The following ITGAM variants were observed in gnomAD, a reference collection of about 807,000 sequenced individuals.
ITGAM encodes the protein integrin alpha-M.
In ITGAM, 79 loss-of-function variants were observed where a neutral mutation model predicts 137.5. That is an observed-to-expected ratio of 0.57 (90% CI 0.48 to 0.69). ITGAM has a LOEUF of 0.69. ITGAM is among the 30% of genes least tolerant of loss of function. The pLI, the probability that ITGAM is intolerant of heterozygous loss-of-function variation, is 0.00. For missense variants in ITGAM, 1,343 were observed against 1,483.5 expected (o/e 0.91, Z 1.56); for synonymous variants, 583 against 592.3 (o/e 0.98, Z 0.23).
chr16:31,325,070 C>T (rs1426629065), intron 19 of ITGAM, 39 bp downstream of exon 19: 1 of 1,537,850 alleles, frequency 6.5e-7, no homozygotes, highest in Non-Finnish European at 8.7e-7. Context: ...CAGAGAAGGA[C>T]CCGTACCATG....
chr16:31,324,875 T>C lies in ITGAM; in HGVS notation c.2290-83T>C. 6.4e-7 allele frequency: 1 copy of C among 1,553,666 alleles called. No individual in the cohort carries two copies. Among genetic ancestry groups the C allele is most frequent in the Non-Finnish European group, 8.7e-7 (1 of 1,144,160 alleles). Reference sequence around the variant, plus strand: ...TTTATTTGATTGCATCTAATTTTACTTCAACATTTGATTTTATTGTTTAAT... The same window carrying C: ...TTTATTTGATTGCATCTAATTTTACCTCAACATTTGATTTTATTGTTTAAT... On this transcript the variant is annotated intron_variant, in intron 18 of 29. Transcript: ENST00000544665. The surrounding 1 kb of genome is among the most constrained non-coding windows in gnomAD (Gnocchi z 4.5).
chr16:31,261,674 C>T lies in ITGAM; in HGVS notation c.29-18C>T. ...TGCTACTTTCCTCTGCTTGATCCTT[C>T]CCCCATTCTCCCTTTAGCCTTGACC... On this transcript the variant is annotated intron_variant, in intron 1 of 29. Transcript: ENST00000544665. 6.5e-7 allele frequency: 1 copy of T among 1,542,726 alleles called. No individual in the cohort carries two copies. Among genetic ancestry groups the T allele is most frequent in the Non-Finnish European group, 8.9e-7 (1 of 1,122,116 alleles).
Position 31,324,766 on chromosome 16 carries a change from G to T in ITGAM, c.2273G>T (p.Arg758Ile). 1 of 1,570,342 alleles carries T rather than the reference G, an allele frequency of 6.4e-7. No homozygotes were observed. The highest frequency in any genetic ancestry group is 1.2e-5 in the South Asian group (1 of 82,490). ...CCAGTGCTGGCGGAGGATGCTCAGA[G>T]ACTCTTCACAGCCTTGGTGAGTCCA... is the stretch of plus-strand genomic sequence containing the variant. ...LRPVLAEDAQRLFTALFPFEK... is the reference protein window; with the variant it reads ...LRPVLAEDAQILFTALFPFEK... Residue 758 changes from arginine to isoleucine, a missense_variant, in exon 18 of 30, where the codon AGA (arginine) becomes ATA (isoleucine). Arg to Ile is a moderately conservative substitution (Grantham distance 97). Transcript: ENST00000544665. This position sits in a 1 kb window ranked among gnomAD's most constrained non-coding sequence, Gnocchi z 4.5.
chr16:31,262,553 C>T (rs2144246745), intron 2 of ITGAM, among the ~76,000 whole-genome samples: 2 of 152,192 alleles, frequency 1.3e-5, no homozygotes, highest in African/African-American at 4.8e-5. Context: ...CAGGCATGTG[C>T]CACCACACCT....
chr16:31,262,919 A>G (rs1055223730), intron 2 of ITGAM, among the ~76,000 whole-genome samples: 3 of 152,154 alleles, frequency 2.0e-5, no homozygotes, highest in African/African-American at 7.2e-5. Context: ...CTTGCATTGC[A>G]TGCCATAATT....
At chr16:31,260,583 G>A (rs1429833790) in intron 1 of ITGAM, among the ~76,000 whole-genome samples, 3 of 152,204 alleles carry the variant, frequency 2.0e-5, no homozygotes, top group Non-Finnish European at 2.9e-5. Context: ...AAAAGGGAAG[G>A]AAATACTTGA....
intron 14 of ITGAM, among the ~76,000 whole-genome samples, chr16:31,306,224 T>G (rs954460347): frequency 3.3e-5 from 5 of 152,184 alleles, no homozygotes; most frequent in Non-Finnish European, 7.3e-5. Context: ...TCCTTTTTCC[T>G]TGTGTCCTAA....
At position 31,330,517 on chromosome 16, in the gene ITGAM, A is replaced by G. The variant is rs1449298928; in HGVS notation, c.3188A>G (p.His1063Arg). The change falls in exon 28 of 30, where the codon CAC (histidine) becomes CGC (arginine). Residue 1063 changes from histidine (H) to arginine (R), a missense_variant. His to Arg is a conservative substitution (Grantham distance 29, BLOSUM62 0). Transcript: ENST00000544665. ...TCTCTTCCACAGACCTCGCATAACC[A>G]CCTCCTGATCGTGAGCACAGCTGAG... ...FDWYIKTSHNHLLIVSTAEIL... is the reference protein window; with the variant it reads ...FDWYIKTSHNRLLIVSTAEIL... 3 of 1,613,266 alleles carry G rather than the reference A, an allele frequency of 1.9e-6. No homozygotes were observed. The highest frequency in any genetic ancestry group is 2.2e-5 in the East Asian group (1 of 44,832).
At chr16:31,267,563 A>C (rs1164307461) in intron 5 of ITGAM, among the ~76,000 whole-genome samples, 2 of 152,160 alleles carry the variant, frequency 1.3e-5, no homozygotes, top group African/African-American at 4.8e-5. Flanking sequence ...TTAGAGGAAG[A>C]CCTGTCTCTC....
At chr16:31,325,218 G>A in intron 19 of ITGAM, 45 bp from the exon 20 acceptor site, 2 of 1,576,360 alleles carry the variant, frequency 1.3e-6, no homozygotes, top group Non-Finnish European at 1.7e-6. Context: ...TTGCCACAGG[G>A]AAGCCCAGCG....
Position 31,324,861 on chromosome 16 carries a change from G to C in ITGAM, c.2289+79G>C, listed in dbSNP as rs748491196. ...TGGTTGAAACTCATTTTATTTGATT[G>C]CATCTAATTTTACTTCAACATTTGA... On this transcript the variant is annotated intron_variant, in intron 18 of 29. Transcript: ENST00000544665. The surrounding 1 kb of genome is among the most constrained non-coding windows in gnomAD (Gnocchi z 4.5). The C allele has an allele frequency of 2.2e-4, 346 of 1,545,974 alleles. No individual in the cohort carries two copies. The highest frequency in any genetic ancestry group is 3.0e-4 in the Non-Finnish European group (340 of 1,140,638).
In ITGAM at chr16:31,297,515, T is replaced by A; in HGVS notation, c.1358T>A (p.Ile453Asn). 6.2e-7 allele frequency: 1 copy of A among 1,612,012 alleles called. No individual in the cohort carries two copies. The highest frequency in any genetic ancestry group is 8.5e-7 in the Non-Finnish European group (1 of 1,179,854). ...ESNANVKGTQIGAYFGASLCS... is the reference protein window; with the variant it reads ...ESNANVKGTQNGAYFGASLCS... ...TGATTACGGTCCTGTCTCTTTCAGA[T>A]CGGCGCCTACTTCGGGGCCTCCCTC... Residue 453 changes from isoleucine to asparagine, a missense_variant and splice_region_variant, in exon 13 of 30, where the codon ATC (isoleucine) becomes AAC (asparagine). Coordinates refer to ENST00000544665, the MANE Select transcript of ITGAM (RefSeq NM_000632.4).
intron 23 of ITGAM, among the ~76,000 whole-genome samples, chr16:31,328,765 C>T (rs60312440): frequency 0.23 from 27,125 of 119,540 alleles, 2,941 homozygotes; most frequent in Middle Eastern, 0.45. Flanking sequence ...TATGTGCATG[C>T]GTGTGCGCAT....
chr16:31,294,940 T>C (rs2080119048), intron 12 of ITGAM, among the ~76,000 whole-genome samples: 1 of 152,186 alleles, frequency 6.6e-6, no homozygotes, highest in African/African-American at 2.4e-5. Flanking sequence ...CTTTTGAATA[T>C]GAATATCCAG....
At chr16:31,273,632 G>A in intron 8 of ITGAM, 114 bp downstream of exon 8, 1 of 993,724 alleles carries the variant, frequency 1.0e-6, no homozygotes, top group Non-Finnish European at 1.5e-6. Flanking sequence ...GCTAATGCTA[G>A]CTCATATACA....
In ITGAM at chr16:31,332,859, AAT is replaced by A. The variant is rs1254362975; in HGVS notation, c.*1157_*1158del. 5 of 152,352 alleles carry A rather than the reference AAT, an allele frequency of 3.3e-5. No individual in the cohort carries two copies. The East Asian group carries it at 9.6e-4, about 29-fold the overall frequency. 9.4% of individuals were successfully genotyped at this position (152,352 alleles called of 1,614,324 possible). On this transcript the variant is annotated 3_prime_UTR_variant, in exon 30 of 30. Coordinates refer to ENST00000544665, the MANE Select transcript of ITGAM (RefSeq NM_000632.4). ...GCATCAATGCTGAGTTAATAAATCA[AAT>A]ATATGTCATTTTTGCATATATGTAA...
chr16:31,295,611 T>A (rs866530958), intron 12 of ITGAM, among the ~76,000 whole-genome samples: 19 of 150,496 alleles, frequency 1.3e-4, no homozygotes, highest in East Asian at 5.8e-4. Flanking sequence ...TAGGGTTTTT[T>A]AAAAATATAT....
Position 31,329,891 on chromosome 16 carries a change from G to T in ITGAM, c.2962G>T (p.Val988Phe). 1.3e-6 allele frequency: 2 copies of T among 1,561,408 alleles called. No homozygotes were observed. Among genetic ancestry groups the T allele is most frequent in the Non-Finnish European group, 1.7e-6 (2 of 1,152,726 alleles). ...NQTVIWDRPQ[V>F]TFSENLSSTC... ...GACTGTCATATGGGACCGCCCCCAG[G>T]TCACCTTCTCCGAGGTGAGCGGAGC... Residue 988 changes from valine to phenylalanine, a missense_variant, in exon 25 of 30, where the codon GTC (valine) becomes TTC (phenylalanine). By Grantham distance (50) the Val-to-Phe change is conservative. Coordinates refer to ENST00000544665, the MANE Select transcript of ITGAM (RefSeq NM_000632.4).
rs374229400 is a variant in ITGAM at position 31,272,274 on chromosome 16, G to A, written c.704+282G>A. On this transcript the variant is annotated intron_variant, in intron 7 of 29. Transcript: ENST00000544665. ...ACAGCCTGTGGTGAGATATCGCCAT[G>A]TCTCATTTTGGGAAGTTCACTCTGA... Among the ~76,000 whole-genome samples, 26 of 150,850 alleles carry A rather than the reference G, an allele frequency of 1.7e-4. No individual in the cohort carries two copies. The South Asian group carries it at 5.3e-3, about 31-fold the overall frequency.
Sources: allele counts gnomAD v4.1 joint callset (sites outside exome capture counted in the v4.1 genomes callset), GRCh38; gene constraint gnomAD v4.1.1; non-coding constraint Gnocchi (gnomAD v3.1); transcripts MANE v1.5; gene names NCBI Gene and HGNC (gene_info 2026-07-23, HGNC 2026-07-21).